EIF4G3: variants seen among roughly 807,000 people sequenced by gnomAD.
The protein encoded by EIF4G3 is eukaryotic translation initiation factor 4 gamma 3, also known as eIF-4-gamma 3.
EIF4G3 carries 34 observed loss-of-function variants against 186.4 expected under a neutral mutation model. The observed-to-expected ratio is 0.18, with a 90% CI of 0.14 to 0.24. EIF4G3 has a LOEUF of 0.24. Among genes scored for constraint, EIF4G3 ranks in the 10% least tolerant of loss-of-function variants. The pLI is 1.00. For synonymous variants in EIF4G3, 673 were observed against 679.5 expected (o/e 0.99, Z 0.15); for missense variants, 1,536 against 1,948.5 (o/e 0.79, Z 3.99).
chr1:21,094,348 G>C (rs1045167331), intron 2 of EIF4G3, among the ~76,000 whole-genome samples: 2 of 151,938 alleles, frequency 1.3e-5, no homozygotes, highest in African/African-American at 4.8e-5. Flanking sequence ...ATTCACAACA[G>C]CAAAGACTTG....
At chr1:21,154,737 T>C (rs61779120) in intron 2 of EIF4G3, among the ~76,000 whole-genome samples, 43,816 of 152,172 alleles carry the variant, frequency 0.29, 8,072 homozygotes, top group Non-Finnish European at 0.41. Context: ...AATAAGGAGA[T>C]GCAGATATAT....
Position 20,810,930 on chromosome 1 carries a change from T to C in EIF4G3, c.4598-46A>G, listed in dbSNP as rs748168257. The C allele has an allele frequency of 3.4e-5, 53 of 1,547,708 alleles. No homozygotes were observed. The highest frequency in any genetic ancestry group is 7.5e-5 in the Admixed American group (4 of 53,230). On this transcript the variant is annotated intron_variant, in intron 35 of 36. Transcript: ENST00000602326. This position sits in a 1 kb window ranked among gnomAD's most constrained non-coding sequence, Gnocchi z 4.1. ...AGGAATTACATTTAAGGAGTTAACA[T>C]AGAATTATCTTTAATTTTCTTTCTT...
chr1:20,945,055 A>G (rs927055985), intron 13 of EIF4G3, among the ~76,000 whole-genome samples: 1 of 152,176 alleles, frequency 6.6e-6, no homozygotes, highest in Admixed American at 6.5e-5. Context: ...TCTTCATTCT[A>G]AAATAAAAGT....
intron 14 of EIF4G3, among the ~76,000 whole-genome samples, chr1:20,919,387 T>C (rs2094273172): frequency 6.6e-6 from 1 of 152,090 alleles, no homozygotes; most frequent in African/African-American, 2.4e-5. Flanking sequence ...TTTTGTATTG[T>C]AGAGACAGGA....
intron 2 of EIF4G3, among the ~76,000 whole-genome samples, chr1:21,163,599 A>G (rs1203203264): frequency 2.6e-5 from 4 of 152,242 alleles, no homozygotes; most frequent in Non-Finnish European, 5.9e-5. Flanking sequence ...CCCAATGTTA[A>G]GCAACTGAAG....
chr1:21,089,827 A>G (rs1447269157), intron 2 of EIF4G3, among the ~76,000 whole-genome samples: 1 of 152,190 alleles, frequency 6.6e-6, no homozygotes, highest in East Asian at 1.9e-4. Flanking sequence ...ATTCAAAGAA[A>G]TGACCCATGT....
intron 2 of EIF4G3, among the ~76,000 whole-genome samples, chr1:21,141,208 G>T (rs1210643277): frequency 6.6e-6 from 1 of 152,090 alleles, no homozygotes; most frequent in Non-Finnish European, 1.5e-5. Context: ...AAACGAAGAG[G>T]TGTCAACCAA....
chr1:21,129,166 T>G (rs1466882175), intron 2 of EIF4G3, among the ~76,000 whole-genome samples: 1 of 151,760 alleles, frequency 6.6e-6, no homozygotes, highest in Non-Finnish European at 1.5e-5. Context: ...TACAAAAAAA[T>G]TAGCCAGGCG....
chr1:21,037,207 A>G (rs940990407), intron 4 of EIF4G3, among the ~76,000 whole-genome samples: 3 of 151,204 alleles, frequency 2.0e-5, no homozygotes, highest in Admixed American at 1.3e-4. Context: ...ACTGAACTGT[A>G]CAAAATTAAC....
intron 3 of EIF4G3, 127 bp from the exon 4 acceptor site, chr1:21,051,121 T>G (rs1348972265): frequency 1.7e-6 from 1 of 603,168 alleles, no homozygotes; most frequent in Non-Finnish European, 3.0e-6. Context: ...AGCACGAGAC[T>G]GAACAAACAC....
At chr1:20,933,069 A>G (rs2095388346) in intron 14 of EIF4G3, among the ~76,000 whole-genome samples, 1 of 152,232 alleles carries the variant, frequency 6.6e-6, no homozygotes, top group Admixed American at 6.5e-5. Flanking sequence ...ATGAGAGGAT[A>G]TGGATACCAG....
At chr1:21,021,899 C>T (rs2090810953) in intron 4 of EIF4G3, among the ~76,000 whole-genome samples, 1 of 152,110 alleles carries the variant, frequency 6.6e-6, no homozygotes, top group African/African-American at 2.4e-5. Context: ...TAGGCACAAA[C>T]CTTCAGTACA....
chr1:20,917,831 T>C (rs2094055827), intron 14 of EIF4G3, among the ~76,000 whole-genome samples: 1 of 152,208 alleles, frequency 6.6e-6, no homozygotes, highest in Admixed American at 6.5e-5. Context: ...TATTAGCATT[T>C]CCATATATCT....
chr1:20,892,733 T>C lies in EIF4G3; in HGVS notation c.2253+784A>G, dbSNP rs1343332699. 2.6e-6 allele frequency: 4 copies of C among 1,526,646 alleles called. No homozygotes were observed. The East Asian group carries it at 9.8e-5, about 37-fold the overall frequency. The allele number at this position is 1,526,646 out of a possible 1,614,324, so 94.6% of individuals were successfully genotyped here. ...GCCTGCTCTGCACTTTGCAAATCTG[T>C]AGAAACAAAGACAAAGACATGATCA... On this transcript the variant is annotated intron_variant, in intron 18 of 36. Transcript: ENST00000602326.
chr1:21,023,243 TCCCCCTCCC>T (rs2091219581), intron 4 of EIF4G3, among the ~76,000 whole-genome samples: 6 of 29,668 alleles, frequency 2.0e-4, no homozygotes, highest in African/African-American at 9.1e-4. Context: ...CCCCCTCCCC[TCCCCCTCCC>T]CCCCTCCCCC....
chr1:20,819,057 G>A (rs2061685651), intron 33 of EIF4G3, among the ~76,000 whole-genome samples: 2 of 152,052 alleles, frequency 1.3e-5, no homozygotes, highest in South Asian at 4.1e-4. Context: ...GTGCACCACT[G>A]CACCCAGCTC....
intron 4 of EIF4G3, among the ~76,000 whole-genome samples, chr1:21,010,893 A>G (rs1261095817): frequency 6.6e-6 from 1 of 152,206 alleles, no homozygotes; most frequent in Non-Finnish European, 1.5e-5. Flanking sequence ...CTCAGCTAAT[A>G]AAGACTGAAG....
At chr1:20,857,348 T>TG (rs2075273120) in intron 25 of EIF4G3, 55 bp downstream of exon 25, 52 of 1,351,040 alleles carry the variant, frequency 3.8e-5, no homozygotes, top group South Asian at 4.7e-5. Flanking sequence ...GTGTGTGTTT[T>TG]AATATCAAAG....
chr1:21,032,067 A>T (rs1001558985), intron 4 of EIF4G3, among the ~76,000 whole-genome samples: 3 of 152,222 alleles, frequency 2.0e-5, no homozygotes, highest in African/African-American at 7.2e-5. Flanking sequence ...CTTTAAAAAC[A>T]GGTTTAAAGA....
Sources: allele counts gnomAD v4.1 joint callset (sites outside exome capture counted in the v4.1 genomes callset), GRCh38; gene constraint gnomAD v4.1.1; non-coding constraint Gnocchi (gnomAD v3.1); transcripts MANE v1.5; gene names NCBI Gene and HGNC (gene_info 2026-07-23, HGNC 2026-07-21).